GRIN2B: variants seen among roughly 807,000 people sequenced by gnomAD.
The protein encoded by GRIN2B is glutamate ionotropic receptor NMDA type subunit 2B.
In GRIN2B, 5 loss-of-function variants were observed where a neutral mutation model predicts 114.5. That is an observed-to-expected ratio of 0.04 (90% CI 0.02 to 0.09). The LOEUF is 0.09. Among genes scored for constraint, GRIN2B ranks in the 10% least tolerant of loss-of-function variants. The pLI, the probability that GRIN2B is intolerant of heterozygous loss-of-function variation, is 1.00. For synonymous variants in GRIN2B, 787 were observed against 745.1 expected (o/e 1.06, Z -0.92); for missense variants, 1,108 against 1,943.5 (o/e 0.57, Z 8.08).
intron 11 of GRIN2B, 86 bp downstream of exon 11, chr12:13,571,718 G>T (rs1948711313): frequency 1.5e-6 from 2 of 1,311,888 alleles, no homozygotes; most frequent in Non-Finnish European, 2.2e-6. Context: ...TACCAAGCAT[G>T]GTATACCTAG....
At chr12:13,962,120 ACG>A (rs1491074926) in intron 2 of GRIN2B, among the ~76,000 whole-genome samples, 4 of 151,308 alleles carry the variant, frequency 2.6e-5, no homozygotes, top group African/African-American at 9.7e-5. Flanking sequence ...ACACACACAC[ACG>A]TGCACGAAGC....
intron 2 of GRIN2B, among the ~76,000 whole-genome samples, chr12:13,884,441 T>C (rs1013712354): frequency 6.6e-6 from 1 of 152,192 alleles, no homozygotes; most frequent in Non-Finnish European, 1.5e-5. Context: ...TGATAATATA[T>C]ATACAATTAA....
In GRIN2B at chr12:13,573,442, C is replaced by A. The variant is rs190925190; in HGVS notation, c.2011-1478G>T. On this transcript the variant is annotated intron_variant, in intron 10 of 13. Coordinates refer to ENST00000609686, the MANE Select transcript of GRIN2B (RefSeq NM_000834.5). ...CTCCAGCCTGGGCTACACAGAGAGA[C>A]TCCGTCTCAAAAATAAAGTGCTTGG... is the stretch of plus-strand genomic sequence containing the variant. 7.4e-5 allele frequency among the ~76,000 whole-genome samples: 11 copies of A among 149,370 alleles called. 2 individuals are homozygous for A. Among genetic ancestry groups the A allele is most frequent in the African/African-American group, 2.7e-4 (11 of 40,106 alleles).
intron 10 of GRIN2B, among the ~76,000 whole-genome samples, chr12:13,600,312 C>G (rs1269014462): frequency 6.6e-6 from 1 of 152,106 alleles, no homozygotes; most frequent in Non-Finnish European, 1.5e-5. Context: ...CTAATATCAG[C>G]AGAATGAGAC....
intron 3 of GRIN2B, among the ~76,000 whole-genome samples, chr12:13,857,492 A>T (rs1865682843): frequency 6.6e-6 from 1 of 152,210 alleles, no homozygotes; most frequent in Non-Finnish European, 1.5e-5. Context: ...AGATACCAGT[A>T]GAGAGGAATA....
intron 3 of GRIN2B, among the ~76,000 whole-genome samples, chr12:13,791,406 T>C (rs992341032): frequency 3.3e-5 from 5 of 149,578 alleles, no homozygotes; most frequent in Admixed American, 2.7e-4. Flanking sequence ...GAGCCGAGAT[T>C]GCGCCACTGC....
At chr12:13,768,969 G>A (rs1374495514) in intron 3 of GRIN2B, among the ~76,000 whole-genome samples, 1 of 152,138 alleles carries the variant, frequency 6.6e-6, no homozygotes, top group Non-Finnish European at 1.5e-5. Context: ...GGGAGGTGGA[G>A]CTTGCAGTGA....
chr12:13,580,882 G>T (rs556255767), intron 10 of GRIN2B, among the ~76,000 whole-genome samples: 10 of 152,050 alleles, frequency 6.6e-5, no homozygotes, highest in Non-Finnish European at 1.5e-4. Context: ...CCATAGTTTT[G>T]CCTTTTCTAA....
chr12:13,622,254 T>C (rs967042544), intron 5 of GRIN2B, among the ~76,000 whole-genome samples: 1 of 152,262 alleles, frequency 6.6e-6, no homozygotes. Context: ...CACTTGCTGC[T>C]TATTTTAAGC....
intron 3 of GRIN2B, among the ~76,000 whole-genome samples, chr12:13,831,054 A>T (rs547235030): frequency 1.1e-4 from 16 of 152,258 alleles, no homozygotes; most frequent in Admixed American, 3.9e-4. Context: ...CTGCTGTGAA[A>T]GTCACCCTAA....
chr12:13,703,369 C>T (rs1463410411), intron 4 of GRIN2B, among the ~76,000 whole-genome samples: 1 of 152,078 alleles, frequency 6.6e-6, no homozygotes, highest in Admixed American at 6.5e-5. Context: ...TATTTTTTAT[C>T]ACTCACATGC....
intron 2 of GRIN2B, among the ~76,000 whole-genome samples, chr12:13,952,514 C>T (rs535833963): frequency 9.2e-5 from 14 of 152,306 alleles, no homozygotes; most frequent in African/African-American, 3.4e-4. Context: ...GGAACCTCTC[C>T]TCCTGTGTTT....
intron 2 of GRIN2B, among the ~76,000 whole-genome samples, chr12:13,924,769 T>A (rs1460121156): frequency 2.0e-5 from 3 of 152,220 alleles, no homozygotes; most frequent in Non-Finnish European, 4.4e-5. Flanking sequence ...TTTTCACGTA[T>A]TCCTCCAAAG....
chr12:13,847,887 G>A (rs2136723601), intron 3 of GRIN2B, among the ~76,000 whole-genome samples: 1 of 152,260 alleles, frequency 6.6e-6, no homozygotes, highest in Admixed American at 6.5e-5. Context: ...AATCGTCGGA[G>A]TTCACCAATT....
intron 3 of GRIN2B, among the ~76,000 whole-genome samples, chr12:13,799,066 C>T (rs578093770): frequency 6.6e-5 from 10 of 152,312 alleles, no homozygotes; most frequent in African/African-American, 2.4e-4. Context: ...AGGCATCTTT[C>T]CTTCACGAAC....
chr12:13,900,309 A>C (rs1866423562), intron 2 of GRIN2B, among the ~76,000 whole-genome samples: 1 of 151,956 alleles, frequency 6.6e-6, no homozygotes, highest in Admixed American at 6.6e-5. Context: ...CCCCGTCTCG[A>C]CTGAAAATAC....
chr12:13,646,124 G>A (rs1025893939), intron 5 of GRIN2B, among the ~76,000 whole-genome samples: 24 of 152,180 alleles, frequency 1.6e-4, no homozygotes, highest in Middle Eastern at 3.4e-3. Context: ...TGGATACAGC[G>A]GCAGATATGA....
intron 3 of GRIN2B, among the ~76,000 whole-genome samples, chr12:13,797,321 C>A (rs1443028623): frequency 1.3e-5 from 2 of 152,178 alleles, no homozygotes; most frequent in African/African-American, 4.8e-5. Context: ...TTCCCCACCC[C>A]CTAATACATC....
rs573739765 is a variant in GRIN2B at position 13,975,157 on chromosome 12, T to C, written c.-19+4771A>G. Among the ~76,000 whole-genome samples, 5 of 152,328 alleles carry C rather than the reference T, an allele frequency of 3.3e-5. No homozygotes were observed. The East Asian group carries it at 9.6e-4, about 29-fold the overall frequency. On this transcript the variant is annotated intron_variant, in intron 2 of 13. Transcript: ENST00000609686. Reference sequence around the variant, plus strand: ...TAGAATACAAGCACAACTGCCAATGTTCTGGTGCCAAGGCCACTAACCATG... The same window carrying C: ...TAGAATACAAGCACAACTGCCAATGCTCTGGTGCCAAGGCCACTAACCATG...
Sources: allele counts gnomAD v4.1 joint callset (sites outside exome capture counted in the v4.1 genomes callset), GRCh38; gene constraint gnomAD v4.1.1; transcripts MANE v1.5; gene names NCBI Gene and HGNC (gene_info 2026-07-23, HGNC 2026-07-21).